Variants in UNC5C observed in about 807,000 individuals in gnomAD.
UNC5C encodes the protein unc-5 netrin receptor C, also known as netrin receptor UNC5C.
UNC5C carries 47 observed loss-of-function variants against 99.8 expected under a neutral mutation model. The observed-to-expected ratio is 0.47, with a 90% CI of 0.37 to 0.60. The LOEUF (loss-of-function observed/expected upper bound fraction) is 0.60, where lower values mean the gene tolerates loss of function less well. UNC5C is among the 20% of genes least tolerant of loss of function. The pLI is 0.00. For missense variants in UNC5C, 1,062 were observed against 1,165.9 expected, an observed-to-expected ratio of 0.91 and a Z score of 1.30; for synonymous variants, 487 against 452.2, an observed-to-expected ratio of 1.08 and a Z score of -0.98.
intron 3 of UNC5C, among the ~76,000 whole-genome samples, chr4:95,292,339 A>G (rs780283821): frequency 1.3e-4 from 19 of 149,500 alleles, no homozygotes; most frequent in Non-Finnish European, 1.9e-4. Context: ...GTGCGATCTC[A>G]GCTCACCGCA....
intron 1 of UNC5C, among the ~76,000 whole-genome samples, chr4:95,442,446 G>T (rs894501759): frequency 7.5e-5 from 11 of 147,106 alleles, no homozygotes; most frequent in South Asian, 2.2e-4. Context: ...GGTCTCAAGC[G>T]ATCTTCCCTC....
chr4:95,544,667 T>C (rs140283479), intron 1 of UNC5C, among the ~76,000 whole-genome samples: 336 of 152,352 alleles, frequency 2.2e-3, no homozygotes, highest in Non-Finnish European at 2.3e-3. Flanking sequence ...TTAAGAACTT[T>C]ACTTCTAATA....
At chr4:95,342,987 G>T (rs1253403314) in intron 1 of UNC5C, among the ~76,000 whole-genome samples, 1 of 151,668 alleles carries the variant, frequency 6.6e-6, no homozygotes, top group African/African-American at 2.4e-5. Flanking sequence ...ATGGGTGCCA[G>T]TTTAGCCACA....
intron 1 of UNC5C, among the ~76,000 whole-genome samples, chr4:95,488,626 C>T (rs1721392682): frequency 6.6e-6 from 1 of 151,604 alleles, no homozygotes; most frequent in Non-Finnish European, 1.5e-5. Flanking sequence ...CAAATTCTAC[C>T]ATTAACAACA....
rs1441722491 is a variant in UNC5C at position 95,327,307 on chromosome 4, G to A, written c.346+8103C>T. On this transcript the variant is annotated intron_variant, in intron 2 of 15. Coordinates refer to ENST00000453304, the MANE Select transcript of UNC5C (RefSeq NM_003728.4). ...CCTACAAATTTCTCCACCAATATTT[G>A]TCCATATTGGGGATTTATGATAGCA... is the stretch of plus-strand genomic sequence containing the variant. Among the ~76,000 whole-genome samples the A allele has an allele frequency of 4.6e-5, 7 of 152,056 alleles. 1 individual carries two copies. The East Asian group carries it at 1.4e-3, about 29-fold the overall frequency.
intron 4 of UNC5C, among the ~76,000 whole-genome samples, chr4:95,272,836 G>T (rs998816168): frequency 1.4e-4 from 22 of 152,204 alleles, no homozygotes; most frequent in Non-Finnish European, 8.8e-5. Context: ...CCTGAAAAGA[G>T]TGTAAAGCAC....
intron 3 of UNC5C, among the ~76,000 whole-genome samples, chr4:95,281,851 T>C (rs1741070436): frequency 6.6e-6 from 1 of 152,230 alleles, no homozygotes; most frequent in African/African-American, 2.4e-5. Context: ...TTTTGGGGAC[T>C]GGGTAATTCT....
At chr4:95,540,088 C>T (rs1331954742) in intron 1 of UNC5C, among the ~76,000 whole-genome samples, 1 of 152,000 alleles carries the variant, frequency 6.6e-6, no homozygotes, top group Non-Finnish European at 1.5e-5. Context: ...TTATAAAACC[C>T]CTGGAGGATA....
chr4:95,398,565 T>C (rs978360124), intron 1 of UNC5C, among the ~76,000 whole-genome samples: 1 of 152,202 alleles, frequency 6.6e-6, no homozygotes, highest in Non-Finnish European at 1.5e-5. Flanking sequence ...GACTTGCTAA[T>C]ACTGTCCATT....
intron 3 of UNC5C, among the ~76,000 whole-genome samples, chr4:95,299,337 C>A (rs1048924310): frequency 6.6e-6 from 1 of 152,094 alleles, no homozygotes; most frequent in African/African-American, 2.4e-5. Flanking sequence ...CCTGCTGACA[C>A]CTTGAGATTG....
chr4:95,407,669 A>G (rs1037723424), intron 1 of UNC5C, among the ~76,000 whole-genome samples: 3 of 152,226 alleles, frequency 2.0e-5, no homozygotes, highest in South Asian at 2.1e-4. Flanking sequence ...ATTAACTTCA[A>G]TTAAAACAAG....
At chr4:95,304,049 G>A (rs945502910) in intron 2 of UNC5C, among the ~76,000 whole-genome samples, 2 of 152,024 alleles carry the variant, frequency 1.3e-5, no homozygotes, top group Non-Finnish European at 2.9e-5. Context: ...CCCACTGGGG[G>A]AACAAACAAT....
intron 1 of UNC5C, among the ~76,000 whole-genome samples, chr4:95,341,189 G>C (rs1262997204): frequency 6.6e-6 from 1 of 150,610 alleles, no homozygotes; most frequent in African/African-American, 2.5e-5. Flanking sequence ...ACATATGTAC[G>C]AAGATGTCCA....
intron 2 of UNC5C, among the ~76,000 whole-genome samples, chr4:95,332,374 T>C (rs1441468790): frequency 1.3e-5 from 2 of 149,166 alleles, no homozygotes; most frequent in Non-Finnish European, 3.0e-5. Flanking sequence ...AAAACAGAGA[T>C]ATAGATCAAT....
rs1579186294 is a variant in UNC5C at position 95,163,327 on chromosome 4, A to G, written c.*5907T>C. 1 of 152,288 alleles carries G rather than the reference A, an allele frequency of 6.6e-6. No homozygotes were observed. The highest frequency in any genetic ancestry group is 1.9e-4 in the East Asian group (1 of 5,166). The allele number at this position is 152,288 out of a possible 1,614,324, so 9.4% of individuals were successfully genotyped here. A position where few individuals can be genotyped will look rare whatever the true frequency, so the allele number is the denominator to read the frequency against. On this transcript the variant is annotated 3_prime_UTR_variant, in exon 16 of 16. Coordinates refer to ENST00000453304, the MANE Select transcript of UNC5C (RefSeq NM_003728.4). ...CCAGCTGTAGATTTCTTGCTCTTAT[A>G]TGTCACTCCGAACAGAGTTGTTTTA...
chr4:95,233,024 C>A (rs1352853271), intron 7 of UNC5C, among the ~76,000 whole-genome samples: 1 of 152,140 alleles, frequency 6.6e-6, no homozygotes, highest in Non-Finnish European at 1.5e-5. Flanking sequence ...CGGTTATAAA[C>A]GTATCATTCT....
intron 2 of UNC5C, among the ~76,000 whole-genome samples, chr4:95,330,711 G>T (rs1264743108): frequency 6.6e-6 from 1 of 151,538 alleles, no homozygotes; most frequent in African/African-American, 2.4e-5. Flanking sequence ...CACTATTTTT[G>T]TACCTCTTCA....
intron 4 of UNC5C, among the ~76,000 whole-genome samples, chr4:95,256,910 G>A (rs1560755977): frequency 1.3e-5 from 2 of 151,760 alleles, no homozygotes. Context: ...TAGGCTGGGA[G>A]GCTAGGCCAG....
chr4:95,199,864 C>A (rs925886320), intron 12 of UNC5C, among the ~76,000 whole-genome samples: 5 of 152,160 alleles, frequency 3.3e-5, no homozygotes, highest in Non-Finnish European at 7.3e-5. Flanking sequence ...CAGCATGATT[C>A]CTATCCTGAC....
Sources: gnomAD v4.1 joint callset for allele counts (sites outside exome capture counted in the v4.1 genomes callset) on GRCh38, gnomAD v4.1.1 for gene constraint, MANE v1.5 for transcripts, NCBI Gene and HGNC (gene_info 2026-07-23, HGNC 2026-07-21) for gene names.